ABTB2: variants seen among roughly 807,000 people sequenced by gnomAD.
ABTB2 encodes ankyrin repeat and BTB/POZ domain-containing protein 2.
ABTB2 carries 56 observed loss-of-function variants against 104.1 expected under a neutral mutation model. The observed-to-expected ratio is 0.54, with a 90% confidence interval of 0.43 to 0.67. The LOEUF is 0.67. ABTB2 is among the 30% of genes least tolerant of loss of function. ABTB2 has a pLI of 0.00. For synonymous variants in ABTB2, 606 were observed against 608.2 expected, an observed-to-expected ratio of 1.00 and a Z score of 0.05; for missense variants, 1,279 against 1,407.7, an observed-to-expected ratio of 0.91 and a Z score of 1.46.
chr11:34,221,296 G>A (rs1014493539), intron 1 of ABTB2, among the ~76,000 whole-genome samples: 1 of 152,080 alleles, frequency 6.6e-6, no homozygotes, highest in African/African-American at 2.4e-5. Flanking sequence ...TAAGGACATC[G>A]GCCATACTGA....
At chr11:34,182,261 C>G (rs937194627) in intron 3 of ABTB2, among the ~76,000 whole-genome samples, 3 of 152,218 alleles carry the variant, frequency 2.0e-5, no homozygotes. Flanking sequence ...TCACTCTGCA[C>G]CAAAGAAACA....
At chr11:34,214,980 C>T (rs868008222) in intron 1 of ABTB2, among the ~76,000 whole-genome samples, 4 of 152,202 alleles carry the variant, frequency 2.6e-5, no homozygotes, top group Admixed American at 6.5e-5. Context: ...GAGACATTGT[C>T]TGCATGCCTC....
In ABTB2 at chr11:34,298,471, A is replaced by G. The variant is rs562259829; in HGVS notation, c.883+58230T>C. On this transcript the variant is annotated intron_variant, in intron 1 of 16. Transcript: ENST00000435224. ...TTTAAATTTAAAAAAATTAAAAAAA[A>G]AATTATTTTGGGACAGAGTCTCGCT... Among the ~76,000 whole-genome samples, 7 of 151,904 alleles carry G rather than the reference A, an allele frequency of 4.6e-5. No homozygotes were observed. In the South Asian group the frequency reaches 1.5e-3, roughly 32 times the overall value.
chr11:34,344,402 AC>A (rs1465222566), intron 1 of ABTB2, among the ~76,000 whole-genome samples: 1 of 152,214 alleles, frequency 6.6e-6, no homozygotes, highest in African/African-American at 2.4e-5. Flanking sequence ...GCCCTGCTAT[AC>A]TGAGCCCACC....
intron 1 of ABTB2, among the ~76,000 whole-genome samples, chr11:34,313,304 C>T (rs749760955): frequency 1.3e-5 from 2 of 152,224 alleles, no homozygotes; most frequent in Non-Finnish European, 2.9e-5. Flanking sequence ...CCCGGACAGA[C>T]GGAGTGTCCC....
At chr11:34,171,567 C>CTT (rs1426396304) in intron 4 of ABTB2, among the ~76,000 whole-genome samples, 4 of 152,160 alleles carry the variant, frequency 2.6e-5, no homozygotes, top group Non-Finnish European at 5.9e-5. Flanking sequence ...GAGCAAGACT[C>CTT]TGTCTCAATC....
At chr11:34,259,857 C>T (rs546471760) in intron 1 of ABTB2, among the ~76,000 whole-genome samples, 9 of 152,168 alleles carry the variant, frequency 5.9e-5, no homozygotes, top group South Asian at 2.1e-4. Flanking sequence ...CAGGATGAAG[C>T]GTAGTGGCAT....
chr11:34,324,970 CTTT>C (rs1178040391), intron 1 of ABTB2, among the ~76,000 whole-genome samples: 2 of 152,116 alleles, frequency 1.3e-5, no homozygotes, highest in African/African-American at 4.8e-5. Flanking sequence ...CTTTCCAGTT[CTTT>C]TTTTGGTTTG....
chr11:34,320,086 A>G (rs551668712), intron 1 of ABTB2, among the ~76,000 whole-genome samples: 1 of 152,330 alleles, frequency 6.6e-6, no homozygotes, highest in South Asian at 2.1e-4. Flanking sequence ...TGAGCTAGTG[A>G]GTATAAAGCA....
At position 34,154,451 on chromosome 11, in the gene ABTB2, C is replaced by A; in HGVS notation, c.2767-73G>T. 1 of 1,131,936 alleles carries A rather than the reference C, an allele frequency of 8.8e-7. No individual in the cohort carries two copies. The highest frequency in any genetic ancestry group is 1.3e-5 in the South Asian group (1 of 76,112). 70.1% of individuals were successfully genotyped at this position (1,131,936 alleles called of 1,614,324 possible). A position where few individuals can be genotyped will look rare whatever the true frequency, so the allele number is the denominator to read the frequency against. ...GGCCCAGACAGCACCGAACAGAAAGCTCCCGAGTGCCGTGTGCCCTGCTGC... is the reference window on the plus strand; with the variant it reads ...GGCCCAGACAGCACCGAACAGAAAGATCCCGAGTGCCGTGTGCCCTGCTGC... On this transcript the variant is annotated intron_variant, in intron 15 of 16. Transcript: ENST00000435224. The surrounding 1 kb of genome is among the most constrained non-coding windows in gnomAD (Gnocchi z 4.9).
chr11:34,346,800 C>T (rs1179873816), intron 1 of ABTB2, among the ~76,000 whole-genome samples: 1 of 152,162 alleles, frequency 6.6e-6, no homozygotes, highest in African/African-American at 2.4e-5. Context: ...TTTTCTGGAT[C>T]CAAATCCTCA....
At chr11:34,343,094 C>G (rs761386903) in intron 1 of ABTB2, among the ~76,000 whole-genome samples, 1 of 152,078 alleles carries the variant, frequency 6.6e-6, no homozygotes, top group South Asian at 2.1e-4. Flanking sequence ...CTCAGCCTCC[C>G]GAGTAGCTGG....
At chr11:34,212,598 T>C (rs1883959) in intron 1 of ABTB2, among the ~76,000 whole-genome samples, 27,606 of 152,092 alleles carry the variant, frequency 0.18, 2,581 homozygotes, top group East Asian at 0.27. Flanking sequence ...CCAGTGTGTC[T>C]GATACTGGAG....
At chr11:34,207,407 T>C (rs1196244428) in intron 1 of ABTB2, among the ~76,000 whole-genome samples, 2 of 152,246 alleles carry the variant, frequency 1.3e-5, no homozygotes, top group African/African-American at 2.4e-5. Context: ...AAAGAGGCCT[T>C]CACTTAATAC....
chr11:34,309,120 C>T (rs1854819201), intron 1 of ABTB2, among the ~76,000 whole-genome samples: 1 of 152,216 alleles, frequency 6.6e-6, no homozygotes, highest in Non-Finnish European at 1.5e-5. Context: ...TCTACTTATA[C>T]AGGTTGCTTC....
In ABTB2 at chr11:34,154,468, C is replaced by T; in HGVS notation, c.2767-90G>A. On this transcript the variant is annotated intron_variant, in intron 15 of 16. Transcript: ENST00000435224. The surrounding 1 kb of genome is among the most constrained non-coding windows in gnomAD (Gnocchi z 4.9). ...ACAGAAAGCTCCCGAGTGCCGTGTG[C>T]CCTGCTGCCTCCACCCTCAGGCCCC... 2 of 994,766 alleles carry T rather than the reference C, an allele frequency of 2.0e-6. No individual in the cohort carries two copies. The highest frequency in any genetic ancestry group is 3.1e-6 in the Non-Finnish European group (2 of 653,974). 61.6% of individuals were successfully genotyped at this position (994,766 alleles called of 1,614,324 possible). A position where few individuals can be genotyped will look rare whatever the true frequency, so the allele number is the denominator to read the frequency against.
chr11:34,247,913 T>C (rs1367694559), intron 1 of ABTB2, among the ~76,000 whole-genome samples: 3 of 152,116 alleles, frequency 2.0e-5, no homozygotes, highest in Non-Finnish European at 4.4e-5. Flanking sequence ...ACATATCTGT[T>C]GGGCATTTAT....
At chr11:34,157,592 C>T (rs1049344718) in intron 14 of ABTB2, among the ~76,000 whole-genome samples, 1 of 152,246 alleles carries the variant, frequency 6.6e-6, no homozygotes, top group Non-Finnish European at 1.5e-5. Flanking sequence ...TCCCACTCAC[C>T]TGGACATGTT....
At chr11:34,242,914 G>C (rs866588521) in intron 1 of ABTB2, among the ~76,000 whole-genome samples, 1 of 152,126 alleles carries the variant, frequency 6.6e-6, no homozygotes, top group Non-Finnish European at 1.5e-5. Context: ...TAGGCGGGAG[G>C]TAACCTAATG....
Sources: allele counts gnomAD v4.1 joint callset (sites outside exome capture counted in the v4.1 genomes callset), GRCh38; gene constraint gnomAD v4.1.1; non-coding constraint Gnocchi (gnomAD v3.1); transcripts MANE v1.5; gene names NCBI Gene and HGNC (gene_info 2026-07-23, HGNC 2026-07-21).